CTCF: variants seen among roughly 807,000 people sequenced by gnomAD.
The protein encoded by CTCF is CCCTC-binding factor.
A neutral mutation model predicts 72.3 loss-of-function variants in CTCF; 7 were observed. That is an observed-to-expected ratio of 0.10 (90% CI 0.06 to 0.18). The LOEUF (loss-of-function observed/expected upper bound fraction) is 0.18, where lower values mean the gene tolerates loss of function less well. Ranked by LOEUF, CTCF falls within the 10% of genes least tolerant of loss-of-function variation. CTCF has a pLI of 1.00. For missense variants in CTCF, 516 were observed against 949.1 expected (o/e 0.54, Z 6.00); for synonymous variants, 374 against 315.8 (o/e 1.18, Z -1.95).
intron 10 of CTCF, among the ~76,000 whole-genome samples, chr16:67,634,553 G>T: frequency 8.2e-6 from 1 of 121,236 alleles, no homozygotes. Flanking sequence ...GGATCTCACT[G>T]TATCACCCAG....
intron 2 of CTCF, among the ~76,000 whole-genome samples, chr16:67,573,962 C>T (rs956351504): frequency 2.6e-5 from 4 of 151,448 alleles, no homozygotes; most frequent in African/African-American, 7.3e-5. Flanking sequence ...ACCCGGGAGG[C>T]GGAAGTTGCA....
chr16:67,594,208 G>A (rs1045455222), intron 2 of CTCF, among the ~76,000 whole-genome samples: 2 of 152,088 alleles, frequency 1.3e-5, no homozygotes, highest in South Asian at 4.2e-4. Context: ...AGGCAATACA[G>A]TGAGATCCCA....
intron 2 of CTCF, among the ~76,000 whole-genome samples, chr16:67,591,759 A>C (rs541707468): frequency 6.6e-6 from 1 of 152,108 alleles, no homozygotes; most frequent in Admixed American, 6.5e-5. Flanking sequence ...TTGCGCTGTC[A>C]CTCAGACTGG....
intron 2 of CTCF, among the ~76,000 whole-genome samples, chr16:67,576,053 T>C (rs2051491735): frequency 6.8e-6 from 1 of 146,216 alleles, no homozygotes; most frequent in Admixed American, 6.9e-5. Context: ...CTCAGCTACT[T>C]GGGAGGCTGA....
chr16:67,605,745 A>G (rs576436269), intron 2 of CTCF, among the ~76,000 whole-genome samples: 1 of 152,366 alleles, frequency 6.6e-6, no homozygotes, highest in Admixed American at 6.5e-5. Flanking sequence ...AGTGGCCACA[A>G]GAACCTCAGA....
intron 2 of CTCF, among the ~76,000 whole-genome samples, chr16:67,608,564 GT>G (rs1424173344): frequency 1.3e-5 from 2 of 152,188 alleles, no homozygotes; most frequent in Non-Finnish European, 2.9e-5. Flanking sequence ...TGTTGAGTGG[GT>G]ATAAAGTTTC....
chr16:67,592,512 C>T (rs543498328), intron 2 of CTCF, among the ~76,000 whole-genome samples: 1 of 152,146 alleles, frequency 6.6e-6, no homozygotes, highest in East Asian at 1.9e-4. Flanking sequence ...TTGAGACCAT[C>T]CTGACCAGTA....
chr16:67,585,342 G>A (rs993959448), intron 2 of CTCF, among the ~76,000 whole-genome samples: 3 of 152,202 alleles, frequency 2.0e-5, no homozygotes, highest in Non-Finnish European at 2.9e-5. Context: ...GAGCCACCGT[G>A]CCCGTCTTAC....
intron 7 of CTCF, among the ~76,000 whole-genome samples, chr16:67,622,468 C>G (rs985496285): frequency 6.6e-6 from 1 of 151,966 alleles, no homozygotes; most frequent in Non-Finnish European, 1.5e-5. Context: ...TCAGTTGATA[C>G]AACTTGTAGT....
At chr16:67,607,201 C>T (rs1459227002) in intron 2 of CTCF, among the ~76,000 whole-genome samples, 3 of 151,912 alleles carry the variant, frequency 2.0e-5, no homozygotes, top group Non-Finnish European at 4.4e-5. Flanking sequence ...AAGTGATCTG[C>T]CCGCCTCGGC....
chr16:67,634,727 G>T (rs1387533694), intron 10 of CTCF, among the ~76,000 whole-genome samples: 4 of 147,814 alleles, frequency 2.7e-5, no homozygotes, highest in Non-Finnish European at 6.0e-5. Context: ...TCCTTGAGAC[G>T]GAATCTCACT....
At chr16:67,624,899 C>G (rs181901662) in intron 7 of CTCF, among the ~76,000 whole-genome samples, 2 of 151,796 alleles carry the variant, frequency 1.3e-5, no homozygotes, top group East Asian at 3.9e-4. Context: ...TGGCCCAACT[C>G]TGAGACTTCT....
Position 67,610,882 on chromosome 16 carries a change from T to G in CTCF, c.50T>G (p.Ile17Ser), listed in dbSNP as rs747821677. ...EAIVEESETF[I>S]KGKERKTYQR... is the part of the protein sequence containing the mutation. ...ATTGTGGAGGAGTCCGAAACTTTTA[T>G]TAAAGGAAAGGAGAGAAAGACTTAC... The change falls in exon 3 of 12, where the codon ATT becomes AGT. Residue 17 changes from isoleucine (I) to serine (S), a missense_variant. Ile to Ser is a moderately radical substitution (Grantham distance 142, BLOSUM62 -2). This residue lies in a region of CTCF where 148 missense variants were observed against 194.9 expected (regional missense o/e 0.76). Transcript: ENST00000264010. 6 of 1,503,810 alleles carry G rather than the reference T, an allele frequency of 4.0e-6. No individual in the cohort carries two copies. In the African/African-American group the frequency reaches 4.2e-5, roughly 11 times the overall value. The allele number at this position is 1,503,810 out of a possible 1,614,324, so 93.2% of individuals were successfully genotyped here.
chr16:67,620,590 A>T, intron 5 of CTCF, 107 bp from the exon 6 acceptor site: 1 of 868,164 alleles, frequency 1.2e-6, no homozygotes, highest in Non-Finnish European at 1.7e-6. Context: ...AGACTTCTGT[A>T]TTCTGAACTT....
intron 2 of CTCF, among the ~76,000 whole-genome samples, chr16:67,573,901 C>T (rs998291232): frequency 2.0e-5 from 3 of 151,874 alleles, no homozygotes; most frequent in East Asian, 1.9e-4. Context: ...CGTTGTGGTG[C>T]GTGCCTGTAG....
intron 2 of CTCF, among the ~76,000 whole-genome samples, chr16:67,604,148 AAAG>A (rs1161797011): frequency 1.3e-5 from 2 of 151,342 alleles, no homozygotes; most frequent in Non-Finnish European, 2.9e-5. Flanking sequence ...AAAAAAAAGA[AAAG>A]AAAAGAAAAT....
chr16:67,637,846 A>G lies in CTCF; in HGVS notation c.2158A>G (p.Met720Val), dbSNP rs747400958. The G allele has an allele frequency of 6.2e-7, 1 of 1,612,088 alleles. No individual in the cohort carries two copies. ...DAPNGDLTPEMILSMMDR is the reference protein window; with the variant it reads ...DAPNGDLTPEVILSMMDR The stretch of plus-strand genomic sequence containing the variant: ...CCCCAACGGAGACCTCACGCCCGAG[A>G]TGATCCTCAGCATGATGGACCGGTG... The change falls in exon 12 of 12, where the codon ATG becomes GTG. Residue 720 changes from methionine (M) to valine (V), a missense_variant. Physicochemically the swap from Met to Val is conservative, Grantham distance 21 (BLOSUM62 1). Around this residue, in one of 7 missense-constraint regions of CTCF, gnomAD observed 5 missense variants for 24.5 expected, o/e 0.20. Coordinates refer to ENST00000264010, the MANE Select transcript of CTCF (RefSeq NM_006565.4).
At chr16:67,634,686 T>G (rs1597731426) in intron 10 of CTCF, among the ~76,000 whole-genome samples, 1 of 151,712 alleles carries the variant, frequency 6.6e-6, no homozygotes, top group East Asian at 1.9e-4. Flanking sequence ...TCCTGCTAAT[T>G]TCTTCCTTTT....
intron 4 of CTCF, among the ~76,000 whole-genome samples, chr16:67,614,030 A>C (rs2052096612): frequency 6.6e-6 from 1 of 152,096 alleles, no homozygotes; most frequent in South Asian, 2.1e-4. Context: ...ATTGCATTCT[A>C]GGGGGCGCCT....
Sources: gnomAD v4.1 joint callset for allele counts (sites outside exome capture counted in the v4.1 genomes callset) on GRCh38, gnomAD v4.1.1 for gene constraint, gnomAD v4.1.1 regional missense constraint, MANE v1.5 for transcripts, NCBI Gene and HGNC (gene_info 2026-07-23, HGNC 2026-07-21) for gene names.